Variants in TMEM117 observed in about 807,000 individuals in gnomAD.
The protein encoded by TMEM117 is transmembrane protein 117.
Under a neutral mutation model 52.4 loss-of-function variants are expected in TMEM117, and 27 were observed. The observed-to-expected ratio is 0.51, with a 90% confidence interval of 0.38 to 0.71. The LOEUF (loss-of-function observed/expected upper bound fraction) is 0.71. Among genes scored for constraint, TMEM117 ranks in the 30% least tolerant of loss-of-function variants. The probability of loss-of-function intolerance (pLI) is 0.00; values close to 1 mark genes in which losing one functional copy is unlikely to be tolerated. For missense variants in TMEM117, 556 were observed against 630.5 expected (o/e 0.88, Z 1.26); for synonymous variants, 215 against 206.3 (o/e 1.04, Z -0.36).
In TMEM117 at chr12:44,279,390, T is replaced by G. The variant is rs182541854; in HGVS notation, c.609-20190T>G. 1.6e-3 allele frequency among the ~76,000 whole-genome samples: 244 copies of G among 152,326 alleles called. 2 individuals are homozygous for G. The highest frequency in any genetic ancestry group is 5.1e-3 in the African/African-American group (212 of 41,570). ...AATAAATTATCCAAATAATGTTTTT[T>G]TCTCTTCACCCTTACCAAGAGAGAC... On this transcript the variant is annotated intron_variant, in intron 5 of 7. Coordinates refer to ENST00000266534, the MANE Select transcript of TMEM117 (RefSeq NM_032256.3).
rs1952143967 is a variant in TMEM117 at position 44,389,546 on chromosome 12, T to C, written c.*874T>C. On this transcript the variant is annotated 3_prime_UTR_variant, in exon 8 of 8. Coordinates refer to ENST00000266534, the MANE Select transcript of TMEM117 (RefSeq NM_032256.3). ...CCACCATTTACAATATTCGTATATC[T>C]TTCTGCAAATATGGCTCTGGATAGT... 1 of 152,542 alleles carries C rather than the reference T, an allele frequency of 6.6e-6. No homozygotes were observed. The highest frequency in any genetic ancestry group is 1.5e-5 in the Non-Finnish European group (1 of 68,010). 9.4% of individuals were successfully genotyped at this position (152,542 alleles called of 1,614,324 possible).
chr12:44,121,569 A>T (rs1157982993), intron 3 of TMEM117, among the ~76,000 whole-genome samples: 1 of 152,176 alleles, frequency 6.6e-6, no homozygotes, highest in Admixed American at 6.5e-5. Flanking sequence ...ATATTGTACA[A>T]ATGTAGTATG....
chr12:43,834,336 T>A (rs1943000382), upstream of TMEM117, among the ~76,000 whole-genome samples: 1 of 152,176 alleles, frequency 6.6e-6, no homozygotes, highest in Admixed American at 6.5e-5. Flanking sequence ...GACTAATATG[T>A]GGAATTAATC....
At chr12:44,260,632 G>A (rs984688085) in intron 5 of TMEM117, among the ~76,000 whole-genome samples, 3 of 152,090 alleles carry the variant, frequency 2.0e-5, no homozygotes, top group Non-Finnish European at 4.4e-5. Context: ...TTTAAAGTTG[G>A]TTACTTTGGT....
At chr12:44,100,837 T>G (rs1030827970) in intron 3 of TMEM117, among the ~76,000 whole-genome samples, 1 of 151,280 alleles carries the variant, frequency 6.6e-6, no homozygotes, top group African/African-American at 2.4e-5. Context: ...GGAGTGTCTT[T>G]GCAGCCTCTG....
At chr12:43,798,621 TAAAAAAAA>T in the TMEM117 span, 1 of 1,077,136 alleles carries the variant, frequency 9.3e-7, no homozygotes, top group Admixed American at 3.2e-5. Context: ...ATCAAACTCG[TAAAAAAAA>T]AAAAAAATCA....
chr12:43,852,160 G>A (rs558015330), intron 2 of TMEM117, among the ~76,000 whole-genome samples: 5 of 151,340 alleles, frequency 3.3e-5, no homozygotes, highest in African/African-American at 9.7e-5. Flanking sequence ...GGCTGGGCAC[G>A]GTGGCTCATG....
intron 6 of TMEM117, among the ~76,000 whole-genome samples, chr12:44,314,815 A>G (rs1015684858): frequency 4.6e-5 from 7 of 152,118 alleles, no homozygotes; most frequent in African/African-American, 1.7e-4. Flanking sequence ...ATTTTTTGAA[A>G]TAGTTTCAAT....
chr12:44,159,826 GATA>G (rs201850284), intron 4 of TMEM117, among the ~76,000 whole-genome samples: 1,749 of 152,220 alleles, frequency 0.011, 21 homozygotes, highest in South Asian at 0.052. Context: ...GATGGTTCTT[GATA>G]ATAATACTAA....
chr12:44,051,069 A>G (rs937828370), intron 3 of TMEM117, among the ~76,000 whole-genome samples: 1 of 152,210 alleles, frequency 6.6e-6, no homozygotes, highest in Non-Finnish European at 1.5e-5. Context: ...GTTACATAGT[A>G]TGGAGTCATT....
chr12:44,105,721 G>T (rs1414653027), intron 3 of TMEM117, among the ~76,000 whole-genome samples: 1 of 151,952 alleles, frequency 6.6e-6, no homozygotes, highest in Admixed American at 6.6e-5. Context: ...ATGGGTGGAG[G>T]GGTCTAGAGT....
At chr12:43,808,345 C>T in the TMEM117 span, among the ~76,000 whole-genome samples, 3 of 152,234 alleles carry the variant, frequency 2.0e-5, no homozygotes, top group South Asian at 6.2e-4. Context: ...TTTAAAGTTC[C>T]TAAGAGAAAG....
chr12:44,270,418 G>A (rs1184172715), intron 5 of TMEM117, among the ~76,000 whole-genome samples: 1 of 152,044 alleles, frequency 6.6e-6, no homozygotes, highest in Non-Finnish European at 1.5e-5. Context: ...TTTCAGCTTG[G>A]TCGCTGTTGG....
intron 3 of TMEM117, among the ~76,000 whole-genome samples, chr12:44,076,446 G>T (rs1947383719): frequency 6.6e-6 from 1 of 152,090 alleles, no homozygotes; most frequent in South Asian, 2.1e-4. Context: ...TAATGAAAAG[G>T]TTACTAATTC....
the TMEM117 span, among the ~76,000 whole-genome samples, chr12:43,800,940 C>A: frequency 3.3e-5 from 5 of 152,028 alleles, no homozygotes; most frequent in African/African-American, 9.7e-5. Context: ...TTAGTACAGA[C>A]GGGCTTTCAC....
Position 44,376,696 on chromosome 12 carries a change from C to T in TMEM117, c.870C>T (p.Phe290=). 6.2e-7 allele frequency: 1 copy of T among 1,610,914 alleles called. No individual in the cohort carries two copies. The highest frequency in any genetic ancestry group is 8.5e-7 in the Non-Finnish European group (1 of 1,178,952). The part of the protein sequence containing the change: ...QFKIPFFQKI[F]KEEYRIHITG... Reference sequence around the variant, plus strand: ...AGATTCCTTTCTTCCAGAAAATCTTCAAGGAGGAATATCGTATTCACATAA... The same window carrying T: ...AGATTCCTTTCTTCCAGAAAATCTTTAAGGAGGAATATCGTATTCACATAA... Residue 290 remains phenylalanine, a synonymous_variant, in exon 7 of 8, where the codon TTC becomes TTT. Coordinates refer to ENST00000266534, the MANE Select transcript of TMEM117 (RefSeq NM_032256.3).
intron 3 of TMEM117, among the ~76,000 whole-genome samples, chr12:44,084,235 G>A (rs1947529972): frequency 6.6e-6 from 1 of 151,980 alleles, no homozygotes; most frequent in Admixed American, 6.6e-5. Context: ...CTAAATTTGG[G>A]TTGACATTTT....
chr12:44,274,177 A>G (rs756033463), intron 5 of TMEM117, among the ~76,000 whole-genome samples: 1 of 152,130 alleles, frequency 6.6e-6, no homozygotes, highest in Non-Finnish European at 1.5e-5. Context: ...GAACCATGTG[A>G]AATAGAAATT....
intron 2 of TMEM117, among the ~76,000 whole-genome samples, chr12:43,857,351 A>G (rs1332605606): frequency 2.7e-5 from 4 of 148,604 alleles, no homozygotes; most frequent in Non-Finnish European, 5.9e-5. Context: ...CAAATGAGTC[A>G]TTCAGGGACC....
Sources: gnomAD v4.1 joint callset for allele counts (sites outside exome capture counted in the v4.1 genomes callset) on GRCh38, gnomAD v4.1.1 for gene constraint, MANE v1.5 for transcripts, NCBI Gene and HGNC (gene_info 2026-07-23, HGNC 2026-07-21) for gene names.